CAPN14: variants seen among roughly 807,000 people sequenced by gnomAD.
CAPN14 encodes calpain-14.
A neutral mutation model predicts 101.3 loss-of-function variants in CAPN14; 94 were observed. The ratio of observed to expected loss-of-function variants is 0.93; its 90% confidence interval spans 0.79 to 1.10. The LOEUF (loss-of-function observed/expected upper bound fraction) is 1.10, where lower values mean the gene tolerates loss of function less well. Ranked by LOEUF, CAPN14 falls within the 50% of genes least tolerant of loss-of-function variation. CAPN14 has a pLI of 0.00. For synonymous variants in CAPN14, 338 were observed against 317.9 expected (o/e 1.06, Z -0.67); for missense variants, 837 against 828.4 (o/e 1.01, Z -0.13).
At chr2:31,185,166 C>T (rs1291401770) in intron 16 of CAPN14, among the ~76,000 whole-genome samples, 1 of 152,154 alleles carries the variant, frequency 6.6e-6, no homozygotes, top group Non-Finnish European at 1.5e-5. Context: ...TCTTCCAAGA[C>T]ATTAATAAAA....
At chr2:31,215,728 G>A (rs1181273005) in intron 1 of CAPN14, among the ~76,000 whole-genome samples, 2 of 151,808 alleles carry the variant, frequency 1.3e-5, no homozygotes, top group Non-Finnish European at 2.9e-5. Context: ...CTCCTGGGCT[G>A]GAAGACTTGG....
chr2:31,187,838 G>A (rs775295428), intron 14 of CAPN14, 24 bp from the exon 15 acceptor site: 5 of 1,539,866 alleles, frequency 3.2e-6, no homozygotes, highest in Non-Finnish European at 4.4e-6. Context: ...CACACAGAAA[G>A]ACACAATTAT....
At chr2:31,191,428 C>CAA (rs768991420) in intron 11 of CAPN14, 21 bp from the exon 12 acceptor site, 6 of 1,426,048 alleles carry the variant, frequency 4.2e-6, no homozygotes, top group Admixed American at 5.3e-5. Flanking sequence ...AAAACAAAAA[C>CAA]AGAAAAAAAA....
At chr2:31,228,339 C>G (rs999716817) in intron 1 of CAPN14, 6 of 152,294 alleles carry the variant, frequency 3.9e-5, no homozygotes, top group South Asian at 4.1e-4. Flanking sequence ...CCTGAATGCA[C>G]CCGATCTCAT....
chr2:31,186,345 C>G, intron 16 of CAPN14, 83 bp downstream of exon 16: 2 of 950,344 alleles, frequency 2.1e-6, no homozygotes, highest in South Asian at 3.4e-5. Flanking sequence ...TCACACATCC[C>G]ACCAAGGGAA....
At chr2:31,202,038 G>A (rs1269658389) in intron 4 of CAPN14, 40 bp from the exon 5 acceptor site, 2 of 1,550,386 alleles carry the variant, frequency 1.3e-6, no homozygotes, top group Non-Finnish European at 1.7e-6. Flanking sequence ...GAGGACTGCT[G>A]CAGATGGTGA....
chr2:31,174,918 C>T (rs1244027616), intron 21 of CAPN14, among the ~76,000 whole-genome samples: 1 of 152,206 alleles, frequency 6.6e-6, no homozygotes, highest in Non-Finnish European at 1.5e-5. Flanking sequence ...CAGTCAAATA[C>T]AGGCTGATTC....
chr2:31,226,331 C>T (rs1002371931), intron 2 of CAPN14, among the ~76,000 whole-genome samples: 1 of 152,156 alleles, frequency 6.6e-6, no homozygotes, highest in Non-Finnish European at 1.5e-5. Flanking sequence ...TCTGTTATAA[C>T]ATATAAGGTT....
Position 31,179,058 on chromosome 2 carries a change from T to TTA in CAPN14, c.1711-480_1711-479insTA, listed in dbSNP as rs1213671682. On this transcript the variant is annotated intron_variant, in intron 17 of 21. Transcript: ENST00000403897. ...TTTCTTCTTAACATCCTTTATTGAGTTCTATATATATATATATATATATAT... is the reference window on the plus strand; with the variant it reads ...TTTCTTCTTAACATCCTTTATTGAGTTATCTATATATATATATATATATATAT... 1.2e-4 allele frequency among the ~76,000 whole-genome samples: 10 copies of TTA among 83,372 alleles called. No individual in the cohort carries two copies. The Admixed American group carries it at 1.2e-3, about 10-fold the overall frequency. The allele number at this position is 83,372 out of a possible 152,430, so 54.7% of individuals were successfully genotyped here.
chr2:31,178,327 ACTGCAACCAG>A (rs796926178), intron 18 of CAPN14, among the ~76,000 whole-genome samples, 174 bp downstream of exon 18: 17 of 152,338 alleles, frequency 1.1e-4, no homozygotes, highest in African/African-American at 3.8e-4. Flanking sequence ...TCAGGAGACT[ACTGCAACCAG>A]CTCTCTGAGT....
At chr2:31,205,812 G>C (rs1414948794) in intron 1 of CAPN14, among the ~76,000 whole-genome samples, 4 of 152,144 alleles carry the variant, frequency 2.6e-5, no homozygotes, top group Admixed American at 2.6e-4. Context: ...GCTTAGTGGG[G>C]AGGCAGGAGA....
chr2:31,208,685 A>G (rs1408484382), intron 1 of CAPN14, among the ~76,000 whole-genome samples: 1 of 152,192 alleles, frequency 6.6e-6, no homozygotes, highest in East Asian at 1.9e-4. Flanking sequence ...TTTCCTATAT[A>G]TTACAAACCA....
Position 31,195,568 on chromosome 2 carries a change from C to T in CAPN14, c.876-1085G>A, listed in dbSNP as rs116095184. Among the ~76,000 whole-genome samples, 629 of 152,264 alleles carry T rather than the reference C, an allele frequency of 4.1e-3. 4 individuals are homozygous for T. The highest frequency in any genetic ancestry group is 0.014 in the African/African-American group (574 of 41,534). ...GCCGGGCTGGTCTTGAACTCCTGAC[C>T]TTAAAAGATCTGCCTTCCTCGACCT... is the stretch of plus-strand genomic sequence containing the variant. On this transcript the variant is annotated intron_variant, in intron 8 of 21. Transcript: ENST00000403897.
At chr2:31,218,574 G>A (rs1471738517), upstream of CAPN14, among the ~76,000 whole-genome samples, 1 of 152,120 alleles carries the variant, frequency 6.6e-6, no homozygotes, top group Non-Finnish European at 1.5e-5. Flanking sequence ...AACACGTTTT[G>A]AGCACTTATG....
At chr2:31,191,536 G>C (rs1681178455) in intron 11 of CAPN14, 129 bp from the exon 12 acceptor site, 1 of 851,264 alleles carries the variant, frequency 1.2e-6, no homozygotes, top group Admixed American at 2.9e-5. Flanking sequence ...CTACCCAGAA[G>C]CCGTGTCCCC....
At chr2:31,232,234 A>G (rs761982482) in intron 1 of CAPN14, among the ~76,000 whole-genome samples, 20 of 152,170 alleles carry the variant, frequency 1.3e-4, no homozygotes, top group Non-Finnish European at 2.5e-4. Context: ...AGCTTCTCCA[A>G]TGATCTTATC....
chr2:31,179,023 C>T (rs1680451971), intron 17 of CAPN14, among the ~76,000 whole-genome samples: 1 of 146,436 alleles, frequency 6.8e-6, no homozygotes, highest in Non-Finnish European at 1.5e-5. Flanking sequence ...TCCTTTCACG[C>T]CTACTTTTTT....
At chr2:31,200,248 G>A (rs545756499) in intron 6 of CAPN14, among the ~76,000 whole-genome samples, 7 of 152,134 alleles carry the variant, frequency 4.6e-5, no homozygotes, top group East Asian at 3.9e-4. Context: ...CAGGTGATCC[G>A]CCCACCTGGG....
At position 31,197,251 on chromosome 2, in the gene CAPN14, G is replaced by C; in HGVS notation, c.873C>G (p.Asp291Glu). The C allele has an allele frequency of 6.5e-7, 1 of 1,549,568 alleles. No individual in the cohort carries two copies. Among genetic ancestry groups the C allele is most frequent in the South Asian group, 1.2e-5 (1 of 84,022 alleles). ...GKVEWKGDWS[D>E]SSSKWELLSP... The stretch of plus-strand genomic sequence containing the variant: ...TCCAAGATGTCCCCAAAGTTCACCT[G>C]TCACTCCAGTCTCCTTTCCATTCCA... Residue 291 changes from aspartate to glutamate, a missense_variant and splice_region_variant, in exon 8 of 22, where the codon GAC (aspartate) becomes GAG (glutamate). By Grantham distance (45) the Asp-to-Glu change is conservative. Coordinates refer to ENST00000403897, the MANE Select transcript of CAPN14 (RefSeq NM_001145122.2).
Sources: allele counts gnomAD v4.1 joint callset (sites outside exome capture counted in the v4.1 genomes callset), GRCh38; gene constraint gnomAD v4.1.1; transcripts MANE v1.5; gene names NCBI Gene and HGNC (gene_info 2026-07-23, HGNC 2026-07-21).